Variants in ATXN7L1 observed in about 807,000 individuals in gnomAD.
ATXN7L1 encodes ataxin 7 like 1, also known as ataxin-7-like protein 1.
ATXN7L1 carries 15 observed loss-of-function variants against 70.8 expected under a neutral mutation model. That is an observed-to-expected ratio of 0.21 (90% CI 0.14 to 0.33). ATXN7L1 has a LOEUF of 0.33. ATXN7L1 is among the 10% of genes least tolerant of loss of function. ATXN7L1 has a pLI of 1.00. For synonymous variants in ATXN7L1, 440 were observed against 445.1 expected (o/e 0.99, Z 0.14); for missense variants, 975 against 1,097.1 (o/e 0.89, Z 1.57).
intron 2 of ATXN7L1, among the ~76,000 whole-genome samples, chr7:105,831,987 G>GT (rs1811693130): frequency 6.6e-6 from 1 of 152,168 alleles, no homozygotes; most frequent in Non-Finnish European, 1.5e-5. Context: ...TCAGCTGTGA[G>GT]TAATACTCAC....
chr7:105,733,556 ACCCATCCATCCT>A (rs1563048648), intron 3 of ATXN7L1, among the ~76,000 whole-genome samples: 29 of 62,896 alleles, frequency 4.6e-4, no homozygotes, highest in Admixed American at 6.9e-4. Context: ...CCATCCATCC[ACCCATCCATCCT>A]TCCATCCATC....
intron 3 of ATXN7L1, among the ~76,000 whole-genome samples, chr7:105,670,260 A>C (rs976605548): frequency 3.9e-5 from 6 of 152,180 alleles, no homozygotes; most frequent in African/African-American, 1.4e-4. Context: ...AATCATTCAG[A>C]TACAAGCCTT....
chr7:105,833,466 T>C (rs980464168), intron 2 of ATXN7L1, among the ~76,000 whole-genome samples: 1 of 152,232 alleles, frequency 6.6e-6, no homozygotes, highest in Admixed American at 6.5e-5. Flanking sequence ...TCACACCATT[T>C]AGAACGTAAA....
intron 3 of ATXN7L1, chr7:105,761,614 T>G: frequency 9.9e-7 from 1 of 1,005,422 alleles, no homozygotes; most frequent in Non-Finnish European, 1.4e-6. Flanking sequence ...ATGATCTTGT[T>G]CTATCAAAAT....
chr7:105,800,990 C>T (rs192073566), intron 2 of ATXN7L1, among the ~76,000 whole-genome samples: 57 of 152,270 alleles, frequency 3.7e-4, no homozygotes, highest in Admixed American at 1.6e-3. Flanking sequence ...AGTCAGATCG[C>T]CTGAACTTGA....
intron 10 of ATXN7L1, chr7:105,613,554 ATC>A (rs915383907): frequency 1.5e-6 from 2 of 1,295,494 alleles, no homozygotes; most frequent in South Asian, 3.8e-5. Context: ...GGAACTCAGA[ATC>A]TCTCTGTGCC....
rs1802406244 is a variant in ATXN7L1, at chr7:105,665,025, G to C, written c.578+41C>G. The C allele has an allele frequency of 2.0e-6, 3 of 1,496,956 alleles. No individual in the cohort carries two copies. In the African/African-American group the frequency reaches 4.2e-5, roughly 21 times the overall value. The allele number at this position is 1,496,956 out of a possible 1,614,324, so 92.7% of individuals were successfully genotyped here. The stretch of plus-strand genomic sequence containing the variant: ...TTTCCCCATGGTGACAGGAACAGCA[G>C]GGGGGACAGACAGCAGCTGGCTGCC... On this transcript the variant is annotated intron_variant, in intron 4 of 11. Coordinates refer to ENST00000419735, the MANE Select transcript of ATXN7L1 (RefSeq NM_020725.2).
At chr7:105,778,344 CAA>C (rs10639727) in intron 3 of ATXN7L1, among the ~76,000 whole-genome samples, 111 of 104,670 alleles carry the variant, frequency 1.1e-3, no homozygotes, top group African/African-American at 2.9e-3. Context: ...CGCATCTCTA[CAA>C]AAAAAAAAAA....
At chr7:105,697,854 C>G (rs576604021) in intron 3 of ATXN7L1, among the ~76,000 whole-genome samples, 4 of 152,212 alleles carry the variant, frequency 2.6e-5, no homozygotes, top group African/African-American at 9.7e-5. Context: ...GTTTGGGGTC[C>G]CTGACTTCCT....
intron 3 of ATXN7L1, among the ~76,000 whole-genome samples, chr7:105,785,613 G>C (rs916386423): frequency 2.6e-5 from 4 of 151,940 alleles, no homozygotes; most frequent in Non-Finnish European, 5.9e-5. Context: ...AAAGAATATT[G>C]CTATGGACTG....
Position 105,769,970 on chromosome 7 carries a change from G to A in ATXN7L1, c.355+18634C>T, listed in dbSNP as rs186607531. 7.2e-5 allele frequency among the ~76,000 whole-genome samples: 11 copies of A among 152,226 alleles called. No homozygotes were observed. In the East Asian group the frequency reaches 1.7e-3, roughly 24 times the overall value. On this transcript the variant is annotated intron_variant, in intron 3 of 11. Coordinates refer to ENST00000419735, the MANE Select transcript of ATXN7L1 (RefSeq NM_020725.2). The stretch of plus-strand genomic sequence containing the variant: ...TTCTCCCTAACAGCTCGTGGCATTC[G>A]GCGTAAAACTGCAGCCTTTAGCAGG...
intron 3 of ATXN7L1, among the ~76,000 whole-genome samples, chr7:105,784,435 A>AACACAC (rs10667714): frequency 6.0e-5 from 9 of 149,622 alleles, no homozygotes; most frequent in East Asian, 5.9e-4. Context: ...TGACTGGCTA[A>AACACAC]ACACACACAC....
intron 3 of ATXN7L1, among the ~76,000 whole-genome samples, chr7:105,778,529 A>AC (rs71155478): frequency 0.16 from 22,385 of 141,442 alleles, 2,016 homozygotes; most frequent in African/African-American, 0.2. Flanking sequence ...AAAAAAAAAA[A>AC]AAAAAACAAA....
At chr7:105,741,617 A>G (rs1174953654) in intron 3 of ATXN7L1, among the ~76,000 whole-genome samples, 1 of 152,154 alleles carries the variant, frequency 6.6e-6, no homozygotes, top group Non-Finnish European at 1.5e-5. Flanking sequence ...CAATTCAGAC[A>G]TGGGTGGAGG....
rs1262894939 is a variant in ATXN7L1 at position 105,642,988 on chromosome 7, G to T, written c.712C>A (p.Pro238Thr). The change falls in exon 5 of 12, where the codon CCT becomes ACT. Residue 238 changes from proline to threonine, a missense_variant. This residue lies in a region of ATXN7L1 where 192 missense variants were observed against 215.5 expected (regional missense o/e 0.89). Coordinates refer to ENST00000419735, the MANE Select transcript of ATXN7L1 (RefSeq NM_020725.2). ...SSTSSSAVST[P>T]PLIKPVLMSK... ...ATCAGGACAGGCTTAATTAAAGGAG[G>T]GGTGGAGACGGCAGAGGACGAGGTG... 3.2e-6 allele frequency: 5 copies of T among 1,551,722 alleles called. No homozygotes were observed. The highest frequency in any genetic ancestry group is 4.4e-6 in the Non-Finnish European group (5 of 1,147,034).
intron 2 of ATXN7L1, among the ~76,000 whole-genome samples, chr7:105,809,720 G>A (rs905090604): frequency 6.6e-6 from 1 of 151,694 alleles, no homozygotes; most frequent in African/African-American, 2.4e-5. Flanking sequence ...TGAGGCAAAG[G>A]GAGGTGAAGT....
chr7:105,680,192 C>T (rs1360931242), intron 3 of ATXN7L1, among the ~76,000 whole-genome samples: 1 of 152,102 alleles, frequency 6.6e-6, no homozygotes, highest in Non-Finnish European at 1.5e-5. Flanking sequence ...ACGTCATGAT[C>T]ACATACTTCC....
At chr7:105,647,766 C>T (rs982362050) in intron 4 of ATXN7L1, among the ~76,000 whole-genome samples, 1 of 152,244 alleles carries the variant, frequency 6.6e-6, no homozygotes, top group Non-Finnish European at 1.5e-5. Context: ...GCCCCACGAG[C>T]ACAGGTGCAC....
chr7:105,781,575 T>G (rs568302711), intron 3 of ATXN7L1, among the ~76,000 whole-genome samples: 1 of 152,188 alleles, frequency 6.6e-6, no homozygotes, highest in East Asian at 1.9e-4. Context: ...ACATCTCCTT[T>G]TCCACAGTAA....
Sources: gnomAD v4.1 joint callset for allele counts (sites outside exome capture counted in the v4.1 genomes callset) on GRCh38, gnomAD v4.1.1 for gene constraint, gnomAD v4.1.1 regional missense constraint, MANE v1.5 for transcripts, NCBI Gene and HGNC (gene_info 2026-07-23, HGNC 2026-07-21) for gene names.